KCNIP1: variants seen among roughly 807,000 people sequenced by gnomAD.
KCNIP1 encodes the protein potassium voltage-gated channel interacting protein 1.
In KCNIP1, 18 loss-of-function variants were observed where a neutral mutation model predicts 33.0. The ratio of observed to expected loss-of-function variants is 0.55; its 90% confidence interval spans 0.38 to 0.81. KCNIP1 has a LOEUF of 0.81. Ranked by LOEUF, KCNIP1 falls within the 30% of genes least tolerant of loss-of-function variation. The pLI is 0.00. For missense variants in KCNIP1, 238 were observed against 271.6 expected (o/e 0.88, Z 0.87); for synonymous variants, 93 against 98.3 (o/e 0.95, Z 0.32).
chr5:170,711,308 C>T (rs994745494), intron 1 of KCNIP1, among the ~76,000 whole-genome samples: 1 of 152,230 alleles, frequency 6.6e-6, no homozygotes, highest in Non-Finnish European at 1.5e-5. Flanking sequence ...GTGTATGCCT[C>T]CTCACCAGTG....
At position 170,435,384 on chromosome 5, in the gene KCNIP1, G is replaced by A. The variant is rs539558799; in HGVS notation, c.88+81420G>A. Among the ~76,000 whole-genome samples the A allele has an allele frequency of 5.3e-5, 8 of 152,332 alleles. No individual in the cohort carries two copies. In the East Asian group the frequency reaches 9.7e-4, roughly 18 times the overall value. The stretch of plus-strand genomic sequence containing the variant: ...CAGAGGTTCACTGCAAACCAGAAAC[G>A]GGACTTTGAGCTTGTGTTCCAGGGC... On this transcript the variant is annotated intron_variant, in intron 1 of 7. Transcript: ENST00000377360.
At chr5:170,354,216 C>A (rs1411672044) in intron 1 of KCNIP1, among the ~76,000 whole-genome samples, 1 of 152,102 alleles carries the variant, frequency 6.6e-6, no homozygotes, top group Non-Finnish European at 1.5e-5. Context: ...GTGGCTGATA[C>A]GTTATGGGCG....
chr5:170,483,388 A>G (rs949461469), intron 1 of KCNIP1, among the ~76,000 whole-genome samples: 1 of 152,156 alleles, frequency 6.6e-6, no homozygotes, highest in Non-Finnish European at 1.5e-5. Flanking sequence ...CTTAAAGTGG[A>G]CCTAGCCATC....
intron 1 of KCNIP1, among the ~76,000 whole-genome samples, chr5:170,596,568 G>T (rs1185440114): frequency 2.6e-5 from 4 of 152,236 alleles, no homozygotes; most frequent in Non-Finnish European, 5.9e-5. Flanking sequence ...TGGAGCCATG[G>T]AGAGAGCATG....
In KCNIP1 at chr5:170,353,901, A is replaced by T. The variant is rs1446989820; in HGVS notation, c.25A>T (p.Lys9Ter). The change falls in exon 1 of 8, where the codon AAG becomes TAG. Residue 9 changes from lysine to a stop codon, truncating the protein, a stop_gained. Coordinates refer to the KCNIP1 transcript ENST00000377360. LOFTEE classifies it high-confidence loss of function. ...CATGAGCGGCTGCTCCAAAAGATGC[A>T]AGCTTGGGTTCGTGAAATTTGCCCA... 2 of 1,614,084 alleles carry T rather than the reference A, an allele frequency of 1.2e-6. No individual in the cohort carries two copies. Among genetic ancestry groups the T allele is most frequent in the African/African-American group, 2.7e-5 (2 of 74,954 alleles).
intron 1 of KCNIP1, among the ~76,000 whole-genome samples, chr5:170,640,791 C>A (rs890686243): frequency 3.3e-5 from 5 of 152,138 alleles, no homozygotes; most frequent in Non-Finnish European, 5.9e-5. Flanking sequence ...GTCTGGAGAA[C>A]TGTAAATCTT....
chr5:170,413,132 G>A (rs1755241066), intron 1 of KCNIP1, among the ~76,000 whole-genome samples: 2 of 152,218 alleles, frequency 1.3e-5, no homozygotes, highest in Admixed American at 1.3e-4. Context: ...AAATCGGCGA[G>A]TGTGTGGCCT....
chr5:170,530,542 A>T (rs1351835927), intron 1 of KCNIP1, among the ~76,000 whole-genome samples: 1 of 152,190 alleles, frequency 6.6e-6, no homozygotes, highest in Non-Finnish European at 1.5e-5. Flanking sequence ...CCTGCCCACA[A>T]GGTCAGCCCC....
chr5:170,685,621 T>TGG (rs1184386900), intron 1 of KCNIP1, among the ~76,000 whole-genome samples: 7 of 151,892 alleles, frequency 4.6e-5, no homozygotes, highest in African/African-American at 1.7e-4. Flanking sequence ...CCTGAGTAGC[T>TGG]GGGATTACAG....
chr5:170,713,843 G>A (rs1763542648), intron 1 of KCNIP1, among the ~76,000 whole-genome samples: 1 of 151,898 alleles, frequency 6.6e-6, no homozygotes, highest in Non-Finnish European at 1.5e-5. Context: ...CTAACGTGGT[G>A]AAAACCCGTT....
chr5:170,603,921 G>T (rs531861325), intron 1 of KCNIP1, among the ~76,000 whole-genome samples: 1 of 152,316 alleles, frequency 6.6e-6, no homozygotes, highest in Admixed American at 6.5e-5. Context: ...TCACTGTTAG[G>T]GGGTAGATTC....
chr5:170,597,549 G>T (rs1268621163), intron 1 of KCNIP1, among the ~76,000 whole-genome samples: 2 of 151,978 alleles, frequency 1.3e-5, no homozygotes, highest in East Asian at 3.9e-4. Flanking sequence ...TCTGGGAGAT[G>T]AATGTATTCA....
chr5:170,361,151 G>A (rs1217334499), intron 1 of KCNIP1, among the ~76,000 whole-genome samples: 2 of 152,260 alleles, frequency 1.3e-5, no homozygotes, highest in Admixed American at 1.3e-4. Context: ...GTGCTCAGGT[G>A]AGGCGGCGGT....
intron 1 of KCNIP1, chr5:170,669,441 T>A (rs1761832539): frequency 1.2e-6 from 1 of 835,022 alleles, no homozygotes; most frequent in Admixed American, 6.2e-5. Flanking sequence ...TTAGGCTACA[T>A]AGAATGTATT....
At chr5:170,682,784 C>CTTTTTTTTTTTTGTTTTTTTTTTTTTT (rs1762397282) in intron 1 of KCNIP1, among the ~76,000 whole-genome samples, 1 of 71,404 alleles carries the variant, frequency 1.4e-5, no homozygotes, top group African/African-American at 5.8e-5. Flanking sequence ...TTCTTTGTTT[C>CTTTTTTTTTTTTGTTTTTTTTTTTTTT]TTTTTTTTTT....
chr5:170,374,394 A>C (rs1763931863), intron 1 of KCNIP1, among the ~76,000 whole-genome samples: 1 of 152,176 alleles, frequency 6.6e-6, no homozygotes, highest in Admixed American at 6.5e-5. Context: ...GTCCTCTGAG[A>C]TCTTCATAAA....
At chr5:170,640,662 G>A (rs191634731) in intron 1 of KCNIP1, among the ~76,000 whole-genome samples, 1 of 152,210 alleles carries the variant, frequency 6.6e-6, no homozygotes, top group African/African-American at 2.4e-5. Context: ...AAGGAGGGGT[G>A]GACAAGCCAT....
intron 1 of KCNIP1, among the ~76,000 whole-genome samples, chr5:170,644,557 C>G (rs1300531337): frequency 1.3e-5 from 2 of 152,124 alleles, no homozygotes; most frequent in African/African-American, 4.8e-5. Context: ...AGGCAGGTCA[C>G]CAAGTAAGCT....
intron 1 of KCNIP1, among the ~76,000 whole-genome samples, chr5:170,668,325 C>T (rs1287675944): frequency 6.6e-6 from 1 of 152,190 alleles, no homozygotes; most frequent in African/African-American, 2.4e-5. Context: ...ATCCTGACCT[C>T]TCCTAAAATG....
Sources: allele counts gnomAD v4.1 joint callset (sites outside exome capture counted in the v4.1 genomes callset), GRCh38; gene constraint gnomAD v4.1.1; transcripts MANE v1.5; gene names NCBI Gene and HGNC (gene_info 2026-07-23, HGNC 2026-07-21).